Variants in ITLN1 observed in about 807,000 individuals in gnomAD.
ITLN1 encodes intelectin-1.
Under a neutral mutation model 36.2 loss-of-function variants are expected in ITLN1, and 29 were observed. The observed-to-expected ratio is 0.80, with a 90% confidence interval of 0.60 to 1.09. The LOEUF is 1.09. ITLN1 is among the 50% of genes least tolerant of loss of function. The probability of loss-of-function intolerance (pLI) is 0.00; values close to 1 mark genes in which losing one functional copy is unlikely to be tolerated. For missense variants in ITLN1, 358 were observed against 405.2 expected (o/e 0.88, Z 1.00); for synonymous variants, 143 against 146.5 (o/e 0.98, Z 0.17).
At chr1:160,878,109 G>A (rs1311399450) in intron 7 of ITLN1, among the ~76,000 whole-genome samples, 2 of 152,020 alleles carry the variant, frequency 1.3e-5, no homozygotes, top group African/African-American at 2.4e-5. Flanking sequence ...CAGAAGTTGT[G>A]GCGAGCCTAG....
chr1:160,884,366 G>A (rs1453445521), intron 2 of ITLN1, among the ~76,000 whole-genome samples: 1 of 151,706 alleles, frequency 6.6e-6, no homozygotes, highest in Non-Finnish European at 1.5e-5. Context: ...CTTTTGCAAA[G>A]ATGAAGTAAG....
At chr1:160,884,705 C>A (rs1041825298) in intron 2 of ITLN1, 115 bp downstream of exon 2, 1 of 718,848 alleles carries the variant, frequency 1.4e-6, no homozygotes, top group Admixed American at 2.1e-5. Flanking sequence ...GGCACTCAGT[C>A]TACATGCAAG....
chr1:160,879,640 A>G (rs966879324), intron 6 of ITLN1, among the ~76,000 whole-genome samples: 2 of 152,174 alleles, frequency 1.3e-5, no homozygotes, highest in African/African-American at 4.8e-5. Context: ...GTCCTCAGAG[A>G]GGGCTCCTCA....
At chr1:160,879,685 G>T (rs1449171159) in intron 6 of ITLN1, among the ~76,000 whole-genome samples, 1 of 152,202 alleles carries the variant, frequency 6.6e-6, no homozygotes, top group African/African-American at 2.4e-5. Context: ...ATTCAACTCT[G>T]CAGGAAGATC....
chr1:160,877,277 A>G (rs887944228), intron 7 of ITLN1, among the ~76,000 whole-genome samples: 1 of 151,728 alleles, frequency 6.6e-6, no homozygotes, highest in Admixed American at 6.6e-5. Context: ...AGCTTTAGTG[A>G]CATTATTGTC....
intron 2 of ITLN1, 47 bp downstream of exon 2, chr1:160,884,773 G>C (rs1670730845): frequency 7.4e-7 from 1 of 1,343,738 alleles, no homozygotes; most frequent in African/African-American, 1.5e-5. Context: ...CAGGATCCCG[G>C]AAGTCATCCA....
At chr1:160,877,635 A>G (rs566833292) in intron 7 of ITLN1, among the ~76,000 whole-genome samples, 58 of 152,286 alleles carry the variant, frequency 3.8e-4, no homozygotes, top group African/African-American at 1.3e-3. Flanking sequence ...CCCTCACCCA[A>G]ATGAGAACCA....
At chr1:160,881,342 G>T in intron 4 of ITLN1, 30 bp from the exon 5 acceptor site, 1 of 1,536,028 alleles carries the variant, frequency 6.5e-7, no homozygotes, top group Non-Finnish European at 8.8e-7. Context: ...GAGCCTGACT[G>T]GGCCAGGAGG....
At chr1:160,885,028 AAGCTG>A in intron 1 of ITLN1, 28 bp downstream of exon 1, 1 of 585,088 alleles carries the variant, frequency 1.7e-6, no homozygotes, top group South Asian at 2.2e-5. Context: ...AAGCAGACCT[AAGCTG>A]AAAACAGGAT....
chr1:160,882,352 G>T (rs528286113), intron 3 of ITLN1, 148 bp from the exon 4 acceptor site: 2 of 887,764 alleles, frequency 2.3e-6, no homozygotes, highest in Admixed American at 3.2e-5. Flanking sequence ...GGGTACTGGG[G>T]CCTCCCTGAG....
intron 7 of ITLN1, among the ~76,000 whole-genome samples, chr1:160,878,547 C>T (rs936311695): frequency 3.9e-5 from 6 of 151,904 alleles, no homozygotes; most frequent in Non-Finnish European, 8.8e-5. Context: ...CCACCACACT[C>T]GGCTAATTTT....
intron 4 of ITLN1, 26 bp from the exon 5 acceptor site, chr1:160,881,338 G>A: frequency 1.3e-6 from 2 of 1,551,524 alleles, no homozygotes; most frequent in Non-Finnish European, 1.7e-6. Context: ...CACTGAGCCT[G>A]ACTGGGCCAG....
At position 160,881,102 on chromosome 1, in the gene ITLN1, T is replaced by A. The variant is rs1670668309; in HGVS notation, c.564+52A>T. The A allele has an allele frequency of 2.2e-5, 33 of 1,526,772 alleles. 2 individuals are homozygous for A. The highest frequency in any genetic ancestry group is 2.6e-5 in the Non-Finnish European group (29 of 1,135,258). 94.6% of individuals were successfully genotyped at this position (1,526,772 alleles called of 1,614,324 possible). A position where few individuals can be genotyped will look rare whatever the true frequency, so the allele number is the denominator to read the frequency against. On this transcript the variant is annotated intron_variant, in intron 5 of 7. Coordinates refer to ENST00000326245, the MANE Select transcript of ITLN1 (RefSeq NM_017625.3). ...ATGACTCCTGCCCAACCTCTAACAC[T>A]TGCTTCTCTGTACACCCATGAAAAC...
At chr1:160,882,557 G>C (rs1260443251) in intron 3 of ITLN1, among the ~76,000 whole-genome samples, 2 of 152,192 alleles carry the variant, frequency 1.3e-5, no homozygotes, top group African/African-American at 4.8e-5. Context: ...TTAGTCACAA[G>C]AGCCAAATAG....
chr1:160,880,544 A>G, intron 6 of ITLN1, 44 bp downstream of exon 6: 1 of 1,602,808 alleles, frequency 6.2e-7, no homozygotes. Context: ...AGTTGAATGT[A>G]TTCCCTTTCC....
chr1:160,880,987 C>T (rs1433538678), intron 5 of ITLN1, among the ~76,000 whole-genome samples, 167 bp downstream of exon 5: 2 of 152,212 alleles, frequency 1.3e-5, no homozygotes, highest in African/African-American at 2.4e-5. Flanking sequence ...TAGGTCCCTT[C>T]TCTTGCCTGG....
chr1:160,880,659 G>A lies in ITLN1; in HGVS notation c.614C>T (p.Pro205Leu), dbSNP rs147618489. The A allele has an allele frequency of 6.9e-5, 111 of 1,613,854 alleles. No homozygotes were observed. The highest frequency in any genetic ancestry group is 6.4e-4 in the African/African-American group (48 of 74,838). Residue 205 changes from proline (P) to leucine (L), a missense_variant, in exon 6 of 8, where the codon CCG (proline) becomes CTG (leucine). By Grantham distance (98) the Pro-to-Leu change is moderately conservative. Transcript: ENST00000326245. ...GEGKCWTDNG[P>L]VIPVVYDFGD... ...AAAATCATAGACCACAGGGATCACC[G>A]GGCCGTTGTCAGTCCAACACTTTCC... is the stretch of plus-strand genomic sequence containing the variant.
chr1:160,880,482 C>A, intron 6 of ITLN1, 106 bp downstream of exon 6: 1 of 1,165,598 alleles, frequency 8.6e-7, no homozygotes, highest in Non-Finnish European at 1.2e-6. Flanking sequence ...ATATAGGGAA[C>A]ATTACAGGAG....
At chr1:160,884,404 A>ATTTATATATATATAT in intron 2 of ITLN1, among the ~76,000 whole-genome samples, 1 of 145,522 alleles carries the variant, frequency 6.9e-6, no homozygotes, top group African/African-American at 2.8e-5. Context: ...CCTTTTCTTT[A>ATTTATATATATATAT]AAAAAAAAAT....
Sources: gnomAD v4.1 joint callset for allele counts (sites outside exome capture counted in the v4.1 genomes callset) on GRCh38, gnomAD v4.1.1 for gene constraint, MANE v1.5 for transcripts, NCBI Gene and HGNC (gene_info 2026-07-23, HGNC 2026-07-21) for gene names.